The following EXOC4 variants were observed in gnomAD, a reference collection of about 807,000 sequenced individuals.
The protein encoded by EXOC4 is SEC8-like 1.
A neutral mutation model predicts 107.2 loss-of-function variants in EXOC4; 71 were observed. That is an observed-to-expected ratio of 0.66 (90% confidence interval 0.55 to 0.81). EXOC4 has a LOEUF of 0.81. EXOC4 is among the 30% of genes least tolerant of loss of function. The pLI, the probability that EXOC4 is intolerant of heterozygous loss-of-function variation, is 0.00. For missense variants in EXOC4, 1,108 were observed against 1,189.6 expected (o/e 0.93, Z 1.01); for synonymous variants, 456 against 441.2 (o/e 1.03, Z -0.42).
chr7:133,253,301 C>T lies in EXOC4; in HGVS notation c.86+114C>T, dbSNP rs1052432559. ...CTGCTCTCCCCTTTCCTCCTTGCCT[C>T]CCGCAGCCCCTCCCCAGGGCTCTAA... On this transcript the variant is annotated intron_variant, in intron 1 of 17. Coordinates refer to ENST00000253861, the MANE Select transcript of EXOC4 (RefSeq NM_021807.4). 4.2e-6 allele frequency: 6 copies of T among 1,441,754 alleles called. No homozygotes were observed. In the South Asian group the frequency reaches 5.8e-5, roughly 14 times the overall value. 89.3% of individuals were successfully genotyped at this position (1,441,754 alleles called of 1,614,324 possible). A position where few individuals can be genotyped will look rare whatever the true frequency, so the allele number is the denominator to read the frequency against.
At chr7:133,421,184 G>C (rs888842406) in intron 7 of EXOC4, among the ~76,000 whole-genome samples, 1 of 152,092 alleles carries the variant, frequency 6.6e-6, no homozygotes, top group African/African-American at 2.4e-5. Context: ...TCTTGGTAAA[G>C]TGTAAAGCAT....
chr7:133,457,544 G>C (rs371320310), intron 7 of EXOC4, among the ~76,000 whole-genome samples: 1 of 152,060 alleles, frequency 6.6e-6, no homozygotes, highest in Non-Finnish European at 1.5e-5. Context: ...ATTAGGTTGC[G>C]TATCAAAATT....
At chr7:133,773,837 G>A (rs1796293451) in intron 10 of EXOC4, among the ~76,000 whole-genome samples, 1 of 151,954 alleles carries the variant, frequency 6.6e-6, no homozygotes, top group Non-Finnish European at 1.5e-5. Flanking sequence ...GTGAAGATAA[G>A]CCTGCTGTCT....
downstream of EXOC4, among the ~76,000 whole-genome samples, chr7:134,067,500 A>C (rs1436824911): frequency 6.6e-6 from 1 of 152,138 alleles, no homozygotes; most frequent in Non-Finnish European, 1.5e-5. Context: ...CCCTTATCAT[A>C]AATATTACTT....
intron 10 of EXOC4, among the ~76,000 whole-genome samples, chr7:133,744,618 G>A (rs1197131074): frequency 6.6e-6 from 1 of 152,166 alleles, no homozygotes; most frequent in Non-Finnish European, 1.5e-5. Context: ...TAGTACTAGA[G>A]CTTTGATGAG....
At chr7:133,692,381 T>C (rs1258370182) in intron 10 of EXOC4, among the ~76,000 whole-genome samples, 1 of 152,246 alleles carries the variant, frequency 6.6e-6, no homozygotes, top group Non-Finnish European at 1.5e-5. Flanking sequence ...TTTTACAGCA[T>C]CGCAGGCTTT....
intron 7 of EXOC4, among the ~76,000 whole-genome samples, chr7:133,462,182 C>T (rs1015355253): frequency 1.5e-4 from 23 of 151,950 alleles, no homozygotes; most frequent in African/African-American, 5.6e-4. Context: ...ATATTAATGT[C>T]TGGCATTGAT....
rs186453683 is a variant in EXOC4, at chr7:133,732,979, T to C, written c.1515-84346T>C. ...CATATTTTGTCACTGGTAGGATCCATGCCATGAAAGTTAGGCAGTTTTTAC... is the reference window on the plus strand; with the variant it reads ...CATATTTTGTCACTGGTAGGATCCACGCCATGAAAGTTAGGCAGTTTTTAC... On this transcript the variant is annotated intron_variant, in intron 10 of 17. Transcript: ENST00000253861. 228 of 161,190 alleles carry C rather than the reference T, an allele frequency of 1.4e-3. 1 individual carries two copies. The highest frequency in any genetic ancestry group is 2.7e-3 in the Non-Finnish European group (191 of 71,680). The allele number at this position is 161,190 out of a possible 1,614,324, so 10.0% of individuals were successfully genotyped here. A position where few individuals can be genotyped will look rare whatever the true frequency, so the allele number is the denominator to read the frequency against.
chr7:134,032,950 G>A (rs1428399009), intron 17 of EXOC4, among the ~76,000 whole-genome samples: 2 of 152,034 alleles, frequency 1.3e-5, no homozygotes, highest in African/African-American at 4.8e-5. Flanking sequence ...TAATGTGTAG[G>A]GTATAAGATG....
chr7:133,819,919 A>T (rs1472396110), intron 11 of EXOC4, among the ~76,000 whole-genome samples: 2 of 152,188 alleles, frequency 1.3e-5, no homozygotes, highest in East Asian at 3.9e-4. Context: ...ATATCTGGGC[A>T]GTCTGTCCAT....
At chr7:134,097,242 TATCTAATTCTGGTTAGAG>T in the EXOC4 span, among the ~76,000 whole-genome samples, 2 of 152,046 alleles carry the variant, frequency 1.3e-5, no homozygotes, top group African/African-American at 4.8e-5. Context: ...TTAAGCCTCT[TATCTAATTCTGGTTAGAG>T]ATCAACTGTC....
At chr7:133,968,957 C>T (rs1801136799) in intron 14 of EXOC4, among the ~76,000 whole-genome samples, 1 of 152,142 alleles carries the variant, frequency 6.6e-6, no homozygotes, top group African/African-American at 2.4e-5. Flanking sequence ...TTCCATTCTC[C>T]TTGTCACTTT....
chr7:133,346,805 T>A (rs1795792403), intron 5 of EXOC4, among the ~76,000 whole-genome samples: 1 of 152,238 alleles, frequency 6.6e-6, no homozygotes. Flanking sequence ...GATTTTTGTG[T>A]AATTTGTGTA....
At chr7:133,770,907 A>G (rs901845477) in intron 10 of EXOC4, among the ~76,000 whole-genome samples, 1 of 152,050 alleles carries the variant, frequency 6.6e-6, no homozygotes. Context: ...AAACCTTTCT[A>G]AAATCTGAAC....
chr7:133,322,373 A>G (rs1280395315), intron 5 of EXOC4, among the ~76,000 whole-genome samples: 1 of 152,042 alleles, frequency 6.6e-6, no homozygotes, highest in Non-Finnish European at 1.5e-5. Flanking sequence ...AGTCTTTAAT[A>G]CACCTTGAGT....
intron 12 of EXOC4, among the ~76,000 whole-genome samples, chr7:133,913,202 C>T (rs1020537056): frequency 1.4e-4 from 21 of 152,144 alleles, no homozygotes; most frequent in South Asian, 1.2e-3. Flanking sequence ...GGCTAGGAAT[C>T]GTGAACAGAC....
intron 11 of EXOC4, among the ~76,000 whole-genome samples, chr7:133,866,254 C>T (rs891604695): frequency 6.6e-6 from 1 of 152,130 alleles, no homozygotes; most frequent in Non-Finnish European, 1.5e-5. Context: ...GAGTCACTGA[C>T]AGGTGGAGGT....
Position 134,005,245 on chromosome 7 carries a change from A to G in EXOC4, c.2527+155A>G, listed in dbSNP as rs145962650. Reference sequence around the variant, plus strand: ...TCTGCAATACCTAGCCTCTTTGTGTATGACTAGGTAGACAACAATATGGCC... The same window carrying G: ...TCTGCAATACCTAGCCTCTTTGTGTGTGACTAGGTAGACAACAATATGGCC... On this transcript the variant is annotated intron_variant, in intron 16 of 17. Coordinates refer to ENST00000253861, the MANE Select transcript of EXOC4 (RefSeq NM_021807.4). 1.8e-3 allele frequency among the ~76,000 whole-genome samples: 270 copies of G among 152,264 alleles called. 1 individual carries two copies. Among genetic ancestry groups the G allele is most frequent in the African/African-American group, 6.0e-3 (248 of 41,552 alleles).
intron 9 of EXOC4, among the ~76,000 whole-genome samples, chr7:133,492,277 G>C (rs1457424575): frequency 3.3e-5 from 5 of 152,134 alleles, no homozygotes; most frequent in Non-Finnish European, 1.5e-5. Context: ...TGGACATGGT[G>C]ACTCATTCTG....
Sources: allele counts gnomAD v4.1 joint callset (sites outside exome capture counted in the v4.1 genomes callset), GRCh38; gene constraint gnomAD v4.1.1; transcripts MANE v1.5; gene names NCBI Gene and HGNC (gene_info 2026-07-23, HGNC 2026-07-21).